The following PRSS2 variants were observed in gnomAD, a reference collection of about 807,000 sequenced individuals.
PRSS2 encodes the protein trypsin-2.
PRSS2 carries 19 observed loss-of-function variants against 19.2 expected under a neutral mutation model. The ratio of observed to expected loss-of-function variants is 0.99; its 90% CI spans 0.69 to 1.45. The LOEUF (loss-of-function observed/expected upper bound fraction) is 1.45. Ranked by LOEUF, PRSS2 falls within the 40% of genes most tolerant of loss-of-function variation. PRSS2 has a pLI of 0.00. For synonymous variants in PRSS2, 107 were observed against 117.5 expected, an observed-to-expected ratio of 0.91 and a Z score of 0.58; for missense variants, 288 against 294.4, an observed-to-expected ratio of 0.98 and a Z score of 0.16.
chr7:142,772,544 C>A, intron 2 of PRSS2: 1 of 621,038 alleles, frequency 1.6e-6, no homozygotes. Flanking sequence ...AAATACTGAT[C>A]CCTGTGTTCT....
At position 142,773,972 on chromosome 7, in the gene PRSS2, G is replaced by T; in HGVS notation, c.508G>T (p.Glu170Ter). 1 of 1,576,046 alleles carries T rather than the reference G, an allele frequency of 6.3e-7. No homozygotes were observed. The highest frequency in any genetic ancestry group is 1.1e-5 in the South Asian group (1 of 90,182). The change falls in exon 4 of 5, where the codon GAG (glutamate) becomes TAG (stop). Residue 170 changes from glutamate to a stop codon, truncating the protein, a stop_gained. Transcript: ENST00000539842. LOFTEE classifies it high-confidence loss of function. The part of the protein sequence containing the change: ...CLDAPVLSQA[E>*]CEASYPGKIT... ...GGATGCTCCTGTGCTGAGCCAGGCT[G>T]AGTGTGAAGCCTCCTACCCTGGAAA...
intron 1 of PRSS2, among the ~76,000 whole-genome samples, chr7:142,771,635 G>A (rs927817677): frequency 2.2e-5 from 3 of 136,196 alleles, no homozygotes; most frequent in Middle Eastern, 3.9e-3. Flanking sequence ...TGGCCAAGTC[G>A]ATGTCGCCAG....
At chr7:142,772,345 A>T in intron 2 of PRSS2, 137 bp downstream of exon 2, 7 of 1,227,104 alleles carry the variant, frequency 5.7e-6, no homozygotes, top group Middle Eastern at 2.0e-4. Context: ...GCAGCAGCTG[A>T]CTCTCCAGAG....
Position 142,772,175 on chromosome 7 carries a change from A to G in PRSS2, c.167A>G (p.Gln56Arg). 1.9e-6 allele frequency: 3 copies of G among 1,613,846 alleles called. No individual in the cohort carries two copies. The highest frequency in any genetic ancestry group is 2.2e-5 in the East Asian group (1 of 44,880). ...TGCGGTGGCTCCCTCATCAGCGAACAGTGGGTGGTGTCAGCAGGTCACTGC... is the reference window on the plus strand; with the variant it reads ...TGCGGTGGCTCCCTCATCAGCGAACGGTGGGTGGTGTCAGCAGGTCACTGC... ...HFCGGSLISE[Q>R]WVVSAGHCYK... is the part of the protein sequence containing the mutation. The change falls in exon 2 of 5, where the codon CAG (glutamine) becomes CGG (arginine). Residue 56 changes from glutamine (Q) to arginine (R), a missense_variant. Transcript: ENST00000539842.
At position 142,772,461 on chromosome 7, in the gene PRSS2, G is replaced by A. The variant is rs1486237664; in HGVS notation, c.200+253G>A. On this transcript the variant is annotated intron_variant, in intron 2 of 4. Coordinates refer to ENST00000539842, the MANE Select transcript of PRSS2 (RefSeq NM_002770.4). ...CAGGGATGATCTTGGGGTGGTGAGA[G>A]CTAGTGAGAAGAGCAGGCTAGTACT... 1.1e-4 allele frequency: 78 copies of A among 724,538 alleles called. 1 individual carries two copies. In the South Asian group the frequency reaches 1.1e-3, roughly 11 times the overall value. 44.9% of individuals were successfully genotyped at this position (724,538 alleles called of 1,614,324 possible).
At chr7:142,773,785 G>A in intron 3 of PRSS2, 134 bp from the exon 4 acceptor site, 1 of 975,544 alleles carries the variant, frequency 1.0e-6, no homozygotes, top group Non-Finnish European at 1.5e-6. Context: ...AAAAGCCAGA[G>A]TCCCTTGCCA....
At chr7:142,772,645 T>C (rs1800036668) in intron 2 of PRSS2, 1 of 633,970 alleles carries the variant, frequency 1.6e-6, no homozygotes, top group Non-Finnish European at 2.8e-6. Flanking sequence ...GTAGAGTGTA[T>C]AGACAGAGCT....
chr7:142,774,228 G>T (rs1800250026), intron 4 of PRSS2, 128 bp from the exon 5 acceptor site: 1 of 1,137,968 alleles, frequency 8.8e-7, no homozygotes, highest in South Asian at 1.3e-5. Flanking sequence ...AACAGAGAAT[G>T]GGCCACCGTG....
In PRSS2 at chr7:142,771,016, G is replaced by A; in HGVS notation, c.34G>A (p.Ala12Thr). Residue 12 changes from alanine (A) to threonine (T), a missense_variant, in exon 1 of 5, where the codon GCT becomes ACT. Coordinates refer to ENST00000539842, the MANE Select transcript of PRSS2 (RefSeq NM_002770.4). ...ACTTCTGATCCTTACCTTTGTTGCA[G>A]CTGCTGGTGAGTTTCACGCCCTGCC... ...NLLLILTFVA[A>T]AVAAPFDDDD... is the part of the protein sequence containing the mutation. The A allele has an allele frequency of 1.7e-6, 1 of 605,418 alleles. No individual in the cohort carries two copies. The highest frequency in any genetic ancestry group is 2.7e-5 in the South Asian group (1 of 37,148). The allele number at this position is 605,418 out of a possible 1,614,324, so 37.5% of individuals were successfully genotyped here.
intron 1 of PRSS2, among the ~76,000 whole-genome samples, 171 bp downstream of exon 1, chr7:142,771,193 C>T (rs1210848379): frequency 3.1e-5 from 4 of 131,132 alleles, no homozygotes; most frequent in Admixed American, 2.3e-4. Context: ...ACTTGTTCCA[C>T]CTTCTCCTTG....
chr7:142,771,966 A>G, intron 1 of PRSS2, 83 bp from the exon 2 acceptor site: 1 of 1,597,398 alleles, frequency 6.3e-7, no homozygotes, highest in Non-Finnish European at 8.6e-7. Flanking sequence ...AGGTTTTCTA[A>G]TTAGCAGGAA....
rs1302348381 is a variant in PRSS2, at chr7:142,771,546, T to G, written c.41-503T>G. On this transcript the variant is annotated intron_variant, in intron 1 of 4. Coordinates refer to ENST00000539842, the MANE Select transcript of PRSS2 (RefSeq NM_002770.4). The stretch of plus-strand genomic sequence containing the variant: ...TTTGACCAATAATAACGTATACCTT[T>G]GTTCTGCAAAAGTGAGCCTGGGGCT... Among the ~76,000 whole-genome samples, 6 of 152,202 alleles carry G rather than the reference T, an allele frequency of 3.9e-5. No homozygotes were observed. The East Asian group carries it at 7.7e-4, about 20-fold the overall frequency.
intron 1 of PRSS2, 134 bp from the exon 2 acceptor site, chr7:142,771,915 G>C: frequency 7.4e-7 from 1 of 1,358,964 alleles, no homozygotes. Context: ...CACCAGGGCT[G>C]GCAGCGCTCC....
intron 4 of PRSS2, 136 bp from the exon 5 acceptor site, chr7:142,774,220 C>T: frequency 8.6e-7 from 1 of 1,156,580 alleles, no homozygotes; most frequent in Non-Finnish European, 1.3e-6. Context: ...TTAGGAAGAA[C>T]AGAGAATGGG....
intron 2 of PRSS2, 129 bp from the exon 3 acceptor site, chr7:142,773,137 T>C: frequency 3.9e-6 from 6 of 1,542,296 alleles, no homozygotes; most frequent in Non-Finnish European, 4.4e-6. Context: ...GCCCATGCAA[T>C]ATGGCCACAC....
chr7:142,773,038 C>T (rs1800085054), intron 2 of PRSS2, among the ~76,000 whole-genome samples: 1 of 151,870 alleles, frequency 6.6e-6, no homozygotes, highest in Admixed American at 6.6e-5. Flanking sequence ...TGGTGGGATC[C>T]CTTTGACTCT....
chr7:142,771,570 C>T (rs1586033416), intron 1 of PRSS2, among the ~76,000 whole-genome samples: 1 of 152,182 alleles, frequency 6.6e-6, no homozygotes, highest in African/African-American at 2.4e-5. Flanking sequence ...GAGCCTGGGG[C>T]TTCCCTCAAC....
Position 142,773,426 on chromosome 7 carries a change from T to A in PRSS2, c.361T>A (p.Ser121Thr), listed in dbSNP as rs762999760. ...GCTCTCCTCACCTGCCGTCATCAAT[T>A]CCCGCGTGTCCGCCATCTCTCTGCC... Reference protein sequence around the residue: ...IKLSSPAVINSRVSAISLPTA... With the variant: ...IKLSSPAVINTRVSAISLPTA... Residue 121 changes from serine (S) to threonine (T), a missense_variant, in exon 3 of 5, where the codon TCC becomes ACC. Coordinates refer to ENST00000539842, the MANE Select transcript of PRSS2 (RefSeq NM_002770.4). 3.8e-6 allele frequency: 6 copies of A among 1,572,102 alleles called. No homozygotes were observed. The highest frequency in any genetic ancestry group is 2.2e-5 in the South Asian group (2 of 90,002).
At chr7:142,774,118 A>C in intron 4 of PRSS2, 63 bp downstream of exon 4, 4 of 1,523,962 alleles carry the variant, frequency 2.6e-6, no homozygotes, top group Non-Finnish European at 3.6e-6. Context: ...AGGGAAAATG[A>C]TTTGAACTCC....
Sources: gnomAD v4.1 joint callset for allele counts (sites outside exome capture counted in the v4.1 genomes callset) on GRCh38, gnomAD v4.1.1 for gene constraint, MANE v1.5 for transcripts, NCBI Gene and HGNC (gene_info 2026-07-23, HGNC 2026-07-21) for gene names.